Variants in RORB observed in about 807,000 individuals in gnomAD.
RORB encodes the protein nuclear receptor ROR-beta.
A neutral mutation model predicts 59.1 loss-of-function variants in RORB; 6 were observed. The observed-to-expected ratio is 0.10, with a 90% CI of 0.06 to 0.20. RORB has a LOEUF of 0.20. RORB is among the 10% of genes least tolerant of loss of function. RORB has a pLI of 1.00. For missense variants in RORB, 320 were observed against 560.5 expected, an observed-to-expected ratio of 0.57 and a Z score of 4.33; for synonymous variants, 215 against 204.5, an observed-to-expected ratio of 1.05 and a Z score of -0.44.
intron 1 of RORB, among the ~76,000 whole-genome samples, chr9:74,499,817 C>T (rs911676426): frequency 6.6e-6 from 1 of 152,180 alleles, no homozygotes. Context: ...CTAACTTTCC[C>T]CCTGTGGCTG....
At chr9:74,661,636 CTTTTTTTT>C (rs779927558) in intron 5 of RORB, among the ~76,000 whole-genome samples, 4 of 79,600 alleles carry the variant, frequency 5.0e-5, no homozygotes, top group East Asian at 4.6e-4. Context: ...TTCTTTTTTC[CTTTTTTTT>C]TTTTTTTTTT....
At chr9:74,542,750 A>G (rs528218156) in intron 1 of RORB, among the ~76,000 whole-genome samples, 75 of 152,292 alleles carry the variant, frequency 4.9e-4, no homozygotes, top group African/African-American at 1.8e-3. Flanking sequence ...ATTATCTAAG[A>G]ATTCTTCCAA....
chr9:74,531,112 C>T (rs2118097285), intron 1 of RORB, among the ~76,000 whole-genome samples: 1 of 152,070 alleles, frequency 6.6e-6, no homozygotes, highest in Middle Eastern at 3.4e-3. Context: ...AAAAAGCCTT[C>T]AATACCTGAG....
At chr9:74,505,722 G>A (rs927191811) in intron 1 of RORB, among the ~76,000 whole-genome samples, 32 of 152,164 alleles carry the variant, frequency 2.1e-4, no homozygotes, top group African/African-American at 7.7e-4. Flanking sequence ...TTAAATTACT[G>A]TTAGTTGTAC....
intron 4 of RORB, among the ~76,000 whole-genome samples, chr9:74,658,050 A>G (rs1824117445): frequency 6.6e-6 from 1 of 151,200 alleles, no homozygotes; most frequent in Admixed American, 6.6e-5. Flanking sequence ...AAAAGCCAAA[A>G]TCTTTGTTTT....
intron 1 of RORB, among the ~76,000 whole-genome samples, chr9:74,627,659 T>C (rs1823542387): frequency 6.6e-6 from 1 of 152,186 alleles, no homozygotes; most frequent in Non-Finnish European, 1.5e-5. Flanking sequence ...ACGTGTAAGC[T>C]ACTCCCTGGG....
chr9:74,600,468 G>T (rs948289732), intron 1 of RORB, among the ~76,000 whole-genome samples: 17 of 152,282 alleles, frequency 1.1e-4, no homozygotes, highest in African/African-American at 4.1e-4. Context: ...TGAAGATGTA[G>T]AAAACTTCAT....
At chr9:74,569,077 G>C (rs772700701) in intron 1 of RORB, among the ~76,000 whole-genome samples, 3 of 151,954 alleles carry the variant, frequency 2.0e-5, no homozygotes, top group Non-Finnish European at 4.4e-5. Context: ...ATAAACCATT[G>C]ATATATTATA....
intron 1 of RORB, among the ~76,000 whole-genome samples, chr9:74,607,273 T>C (rs1823163033): frequency 1.3e-5 from 2 of 152,170 alleles, no homozygotes; most frequent in South Asian, 4.1e-4. Flanking sequence ...TCTTTGTCTA[T>C]TTTTTTGAAT....
intron 4 of RORB, among the ~76,000 whole-genome samples, chr9:74,659,635 C>T (rs915585951): frequency 2.0e-5 from 3 of 152,050 alleles, no homozygotes; most frequent in African/African-American, 7.2e-5. Context: ...GGATTACAGG[C>T]GTGTGCCACC....
chr9:74,519,920 A>C (rs879044136), intron 1 of RORB, among the ~76,000 whole-genome samples: 2 of 151,966 alleles, frequency 1.3e-5, no homozygotes, highest in Admixed American at 6.6e-5. Flanking sequence ...TTCTAAGAAC[A>C]TCACCACGTC....
At chr9:74,545,925 G>A (rs553405406) in intron 1 of RORB, among the ~76,000 whole-genome samples, 1 of 152,168 alleles carries the variant, frequency 6.6e-6, no homozygotes, top group East Asian at 1.9e-4. Context: ...TTCAAACATA[G>A]CCATCTAACA....
At chr9:74,570,447 A>AT (rs1822534066) in intron 1 of RORB, among the ~76,000 whole-genome samples, 1 of 152,076 alleles carries the variant, frequency 6.6e-6, no homozygotes, top group African/African-American at 2.4e-5. Context: ...CAATATGTTT[A>AT]TTTTTTTAAC....
chr9:74,640,267 G>A (rs1411914060), intron 3 of RORB, among the ~76,000 whole-genome samples: 1 of 152,136 alleles, frequency 6.6e-6, no homozygotes, highest in African/African-American at 2.4e-5. Context: ...TTGAGACAGA[G>A]TCTCCCTCTG....
intron 1 of RORB, among the ~76,000 whole-genome samples, chr9:74,625,345 G>A (rs1485063064): frequency 1.3e-5 from 2 of 152,186 alleles, no homozygotes; most frequent in Admixed American, 6.5e-5. Context: ...CCAGCATGGT[G>A]GCTCATGCCT....
At chr9:74,551,616 A>C (rs1354295445) in intron 1 of RORB, among the ~76,000 whole-genome samples, 1 of 152,240 alleles carries the variant, frequency 6.6e-6, no homozygotes, top group African/African-American at 2.4e-5. Flanking sequence ...CAGAAGGCAC[A>C]GATTGGGGCA....
intron 1 of RORB, among the ~76,000 whole-genome samples, chr9:74,554,465 T>A (rs549859278): frequency 1.3e-5 from 2 of 151,796 alleles, no homozygotes; most frequent in Admixed American, 6.5e-5. Context: ...ATTTAAAAGC[T>A]GCATAAATAA....
chr9:74,561,557 T>C (rs932410999), intron 1 of RORB, among the ~76,000 whole-genome samples: 1 of 152,142 alleles, frequency 6.6e-6, no homozygotes, highest in Non-Finnish European at 1.5e-5. Context: ...TTTATTGGGA[T>C]GAATGAGTCC....
At chr9:74,567,026 C>T (rs140966569) in intron 1 of RORB, among the ~76,000 whole-genome samples, 2,743 of 151,672 alleles carry the variant, frequency 0.018, 28 homozygotes, top group Middle Eastern at 0.031. Context: ...AAATGCCCAC[C>T]CCACCCTTTT....
Sources: allele counts gnomAD v4.1 joint callset (sites outside exome capture counted in the v4.1 genomes callset), GRCh38; gene constraint gnomAD v4.1.1; transcripts MANE v1.5; gene names NCBI Gene and HGNC (gene_info 2026-07-23, HGNC 2026-07-21).